PCDHA1: variants seen among roughly 807,000 people sequenced by gnomAD.
PCDHA1 encodes the protein protocadherin alpha 1.
A neutral mutation model predicts 61.3 loss-of-function variants in PCDHA1; 42 were observed. The observed-to-expected ratio is 0.69, with a 90% CI of 0.54 to 0.89. The LOEUF is 0.89. Ranked by LOEUF, PCDHA1 falls within the 40% of genes least tolerant of loss-of-function variation. PCDHA1 has a pLI of 0.00. For missense variants in PCDHA1, 1,256 were observed against 1,235.3 expected (o/e 1.02, Z -0.25); for synonymous variants, 610 against 553.8 (o/e 1.10, Z -1.43).
intron 1 of PCDHA1, among the ~76,000 whole-genome samples, chr5:140,941,773 T>G (rs2093165270): frequency 6.6e-6 from 1 of 152,262 alleles, no homozygotes; most frequent in South Asian, 2.1e-4. Context: ...GATAATTGTT[T>G]TAATGTTTTA....
intron 1 of PCDHA1, among the ~76,000 whole-genome samples, chr5:140,790,983 C>T (rs1384273614): frequency 1.3e-5 from 2 of 152,178 alleles, no homozygotes; most frequent in African/African-American, 2.4e-5. Context: ...ATGGATTTCC[C>T]ATTGGTAGTT....
At position 140,968,680 on chromosome 5, in the gene PCDHA1, C is replaced by T. The variant is rs546565550; in HGVS notation, c.2395-10269C>T. 10 of 1,614,154 alleles carry T rather than the reference C, an allele frequency of 6.2e-6. No homozygotes were observed. The South Asian group carries it at 6.6e-5, about 11-fold the overall frequency. ...TGGACCTCTTTAAGGTAGAGCTGCA[C>T]ACAGGAGAAATTAGGACTACCAGGA... On this transcript the variant is annotated intron_variant, in intron 1 of 3. Coordinates refer to ENST00000504120, the MANE Select transcript of PCDHA1 (RefSeq NM_018900.4).
At chr5:140,882,160 C>G (rs2058982745) in intron 1 of PCDHA1, 8 of 1,509,868 alleles carry the variant, frequency 5.3e-6, no homozygotes, top group Non-Finnish European at 7.1e-6. Flanking sequence ...CGGAATACCT[C>G]TTGCGAATCC....
Position 140,830,206 on chromosome 5 carries a change from C to T in PCDHA1, c.2394+41522C>T, listed in dbSNP as rs144997304. 2.0e-5 allele frequency: 32 copies of T among 1,613,660 alleles called. No individual in the cohort carries two copies. The Admixed American group carries it at 2.0e-4, about 10-fold the overall frequency. On this transcript the variant is annotated intron_variant, in intron 1 of 3. Coordinates refer to ENST00000504120, the MANE Select transcript of PCDHA1 (RefSeq NM_018900.4). Reference sequence around the variant, plus strand: ...ACGTGTACCTGATCATCGCCATCTGCGCGGTATCCAGCCTGCTGGTCCTCA... The same window carrying T: ...ACGTGTACCTGATCATCGCCATCTGTGCGGTATCCAGCCTGCTGGTCCTCA...
At chr5:140,821,900 C>T (rs2150111777) in intron 1 of PCDHA1, 2 of 1,614,206 alleles carry the variant, frequency 1.2e-6, no homozygotes, top group South Asian at 1.1e-5. Flanking sequence ...AAACACGGAA[C>T]CTTCGTTGGC....
At chr5:140,863,590 A>G (rs1182896433) in intron 1 of PCDHA1, 1 of 358,846 alleles carries the variant, frequency 2.8e-6, no homozygotes, top group African/African-American at 2.1e-5. Flanking sequence ...CCTGGAAAGT[A>G]TTTCATTCCT....
At chr5:140,959,859 T>A (rs2095514385) in intron 1 of PCDHA1, among the ~76,000 whole-genome samples, 1 of 152,192 alleles carries the variant, frequency 6.6e-6, no homozygotes, top group South Asian at 2.1e-4. Context: ...AGGAATTATG[T>A]AGCAAAATCT....
intron 1 of PCDHA1, among the ~76,000 whole-genome samples, chr5:140,792,513 T>C (rs1367516660): frequency 7.2e-5 from 11 of 152,206 alleles, no homozygotes; most frequent in Non-Finnish European, 1.2e-4. Context: ...CTTTTCCCCG[T>C]TGTGGGGGAA....
intron 1 of PCDHA1, chr5:140,877,568 A>G (rs782021677): frequency 1.9e-6 from 3 of 1,613,708 alleles, no homozygotes; most frequent in Non-Finnish European, 1.7e-6. Context: ...ATTAACGTGT[A>G]CCTCATCATC....
At chr5:140,808,116 T>C in intron 1 of PCDHA1, 1 of 1,614,092 alleles carries the variant, frequency 6.2e-7, no homozygotes, top group African/African-American at 1.3e-5. Context: ...TATATTGACT[T>C]TGAAGAAAGC....
At chr5:140,917,151 G>T (rs974449842) in intron 1 of PCDHA1, among the ~76,000 whole-genome samples, 2 of 152,160 alleles carry the variant, frequency 1.3e-5, no homozygotes, top group Non-Finnish European at 2.9e-5. Flanking sequence ...TGCTGCTGGG[G>T]GATATGGGAG....
At chr5:140,885,328 A>G (rs2060562963) in intron 1 of PCDHA1, among the ~76,000 whole-genome samples, 1 of 152,114 alleles carries the variant, frequency 6.6e-6, no homozygotes, top group Non-Finnish European at 1.5e-5. Context: ...TTCTTTTCCA[A>G]AGTTTGAAGG....
At chr5:140,842,644 G>C in intron 1 of PCDHA1, 1 of 1,595,462 alleles carries the variant, frequency 6.3e-7, no homozygotes, top group African/African-American at 1.3e-5. Context: ...CCGCCAGCTT[G>C]TCTGTGGAGG....
chr5:140,948,517 C>A (rs2094265494), intron 1 of PCDHA1, among the ~76,000 whole-genome samples: 1 of 151,496 alleles, frequency 6.6e-6, no homozygotes. Flanking sequence ...AAAATGTTAA[C>A]ACTATTTATA....
intron 1 of PCDHA1, among the ~76,000 whole-genome samples, chr5:140,973,960 T>C (rs2096609185): frequency 6.6e-6 from 1 of 152,248 alleles, no homozygotes; most frequent in African/African-American, 2.4e-5. Flanking sequence ...TTTACAGGTG[T>C]CTTTAAATGT....
chr5:140,852,300 C>T (rs1056866634), intron 1 of PCDHA1: 15 of 446,010 alleles, frequency 3.4e-5, no homozygotes, highest in East Asian at 3.0e-4. Context: ...TTTTCTGAGA[C>T]GGAGTCGTTT....
At chr5:140,808,364 G>C (rs76650315) in intron 1 of PCDHA1, 2 of 1,614,052 alleles carry the variant, frequency 1.2e-6, no homozygotes, top group Non-Finnish European at 1.7e-6. Context: ...GACGTCCCAC[G>C]TCCCCTTCAA....
At chr5:140,998,722 G>A (rs572133347) in intron 3 of PCDHA1, among the ~76,000 whole-genome samples, 4 of 152,002 alleles carry the variant, frequency 2.6e-5, no homozygotes, top group Non-Finnish European at 4.4e-5. Flanking sequence ...GCACCACCAC[G>A]CTAGGCTAAT....
intron 1 of PCDHA1, chr5:140,852,998 C>A (rs2150526910): frequency 6.5e-6 from 2 of 309,332 alleles, no homozygotes; most frequent in East Asian, 1.7e-4. Context: ...CCTGCCTCAG[C>A]CTCCCGAGTA....
Sources: gnomAD v4.1 joint callset for allele counts (sites outside exome capture counted in the v4.1 genomes callset) on GRCh38, gnomAD v4.1.1 for gene constraint, MANE v1.5 for transcripts, NCBI Gene and HGNC (gene_info 2026-07-23, HGNC 2026-07-21) for gene names.